CD99: variants seen among roughly 807,000 people sequenced by gnomAD.
CD99 encodes the protein CD99 antigen.
CD99 carries 19 observed loss-of-function variants against 28.4 expected under a neutral mutation model. That is an observed-to-expected ratio of 0.67 (90% CI 0.47 to 0.98). The LOEUF (loss-of-function observed/expected upper bound fraction) is 0.98. Ranked by LOEUF, CD99 falls within the 50% of genes least tolerant of loss-of-function variation. CD99 has a pLI of 0.00. For missense variants in CD99, 283 were observed against 248.8 expected (o/e 1.14, Z -0.92); for synonymous variants, 103 against 92.1 (o/e 1.12, Z -0.67).
intron 5 of CD99, among the ~76,000 whole-genome samples, chrX:2,721,969 T>TA (rs1258959220): frequency 6.6e-6 from 1 of 152,214 alleles, no homozygotes; most frequent in African/African-American, 2.4e-5. Context: ...GGTTGTTAAT[T>TA]TGCTGCAGAT....
Position 2,720,414 on chromosome X carries a change from T to A in CD99, c.252T>A (p.Pro84=). ...TGCCAAATCCAAACCCCAACCACCC[T>A]AGTTCCTCCGGTAAGAGTCTCTGAC... is the stretch of plus-strand genomic sequence containing the variant. ...KPMPNPNPNH[P]SSSGSFSDAD... is the part of the protein sequence containing the mutation. The change falls in exon 5 of 10, where the codon CCT becomes CCA. Residue 84 remains proline (P), a synonymous_variant. Transcript: ENST00000381192. 6.2e-7 allele frequency: 1 copy of A among 1,613,734 alleles called. No homozygotes were observed.
chrX:2,732,442 C>T lies in CD99; in HGVS notation c.476-5758C>T, dbSNP rs778706444. Among the ~76,000 whole-genome samples, 3 of 152,156 alleles carry T rather than the reference C, an allele frequency of 2.0e-5. No homozygotes were observed. In the South Asian group the frequency reaches 6.2e-4, roughly 32 times the overall value. On this transcript the variant is annotated intron_variant, in intron 8 of 9. Coordinates refer to ENST00000381192, the MANE Select transcript of CD99 (RefSeq NM_002414.5). ...GATGGGCGATTGGCTCTCCCTGTCT[C>T]CTTCTTTCTCTTTCTTCTTCTCTGC...
intron 1 of CD99, among the ~76,000 whole-genome samples, chrX:2,694,289 T>A (rs1042017115): frequency 2.6e-5 from 4 of 151,876 alleles, no homozygotes; most frequent in Non-Finnish European, 4.4e-5. Context: ...GTTTTTTTTT[T>A]TTTTTAACTC....
intron 1 of CD99, among the ~76,000 whole-genome samples, chrX:2,710,867 CTT>C (rs541519754): frequency 2.6e-4 from 26 of 99,592 alleles, no homozygotes; most frequent in African/African-American, 7.7e-4. Flanking sequence ...GTAGAGATGA[CTT>C]TTTTTTTTTT....
At chrX:2,704,807 C>G (rs1232335705) in intron 1 of CD99, among the ~76,000 whole-genome samples, 1 of 152,112 alleles carries the variant, frequency 6.6e-6, no homozygotes, top group African/African-American at 2.4e-5. Context: ...TCAACCTCCA[C>G]AAGCGCAGGC....
At chrX:2,716,688 T>G (rs1424462192) in intron 2 of CD99, among the ~76,000 whole-genome samples, 1 of 152,196 alleles carries the variant, frequency 6.6e-6, no homozygotes, top group Non-Finnish European at 1.5e-5. Flanking sequence ...TTATGTCCTG[T>G]GGTGCAGTGC....
intron 8 of CD99, 33 bp from the exon 9 acceptor site, chrX:2,738,167 G>C: frequency 6.2e-7 from 1 of 1,601,614 alleles, no homozygotes; most frequent in Non-Finnish European, 8.6e-7. Context: ...CTGTTGCACT[G>C]AGCCTCTCTG....
chrX:2,741,200 C>A lies in CD99; in HGVS notation c.*396C>A. Reference sequence around the variant, plus strand: ...CTGAAACCCCTGGTAGCCCCGACTTCTTTTTAATTAAAATAAGGTAAGCCC... The same window carrying A: ...CTGAAACCCCTGGTAGCCCCGACTTATTTTTAATTAAAATAAGGTAAGCCC... On this transcript the variant is annotated 3_prime_UTR_variant, in exon 10 of 10. Transcript: ENST00000381192. The A allele has an allele frequency of 4.6e-6, 1 of 218,788 alleles. No individual in the cohort carries two copies. Among genetic ancestry groups the A allele is most frequent in the Non-Finnish European group, 8.9e-6 (1 of 112,258 alleles). 13.6% of individuals were successfully genotyped at this position (218,788 alleles called of 1,614,324 possible). A position where few individuals can be genotyped will look rare whatever the true frequency, so the allele number is the denominator to read the frequency against.
In CD99 at chrX:2,736,033, T is replaced by C. The variant is rs189717843; in HGVS notation, c.476-2167T>C. Among the ~76,000 whole-genome samples, 598 of 151,830 alleles carry C rather than the reference T, an allele frequency of 3.9e-3. 4 individuals carry two copies. Among genetic ancestry groups the C allele is most frequent in the Non-Finnish European group, 5.9e-3 (404 of 67,920 alleles). ...CTGGCTAACATGGTGAAACCCCGTC[T>C]CTACTAAAAATACAAAAAATTAGCT... On this transcript the variant is annotated intron_variant, in intron 8 of 9. Coordinates refer to ENST00000381192, the MANE Select transcript of CD99 (RefSeq NM_002414.5).
intron 5 of CD99, among the ~76,000 whole-genome samples, chrX:2,721,450 C>T (rs944549852): frequency 1.5e-4 from 23 of 152,018 alleles, no homozygotes; most frequent in Non-Finnish European, 2.8e-4. Context: ...CACACAGCAT[C>T]GTGACCAGTT....
rs1424668549 is a variant in CD99 at position 2,691,396 on chromosome X, C to A, written c.36C>A (p.Phe12Leu). 3.2e-6 allele frequency: 5 copies of A among 1,584,124 alleles called. No homozygotes were observed. In the South Asian group the frequency reaches 3.4e-5, roughly 11 times the overall value. ...GGGCTGCGCTGGCGCTGCTGCTCTTCGGCCTGCTGGGTGTTCTGGTCGCCG... is the reference window on the plus strand; with the variant it reads ...GGGCTGCGCTGGCGCTGCTGCTCTTAGGCCTGCTGGGTGTTCTGGTCGCCG... ...ARGAALALLL[F>L]GLLGVLVAAP... Residue 12 changes from phenylalanine to leucine, a missense_variant, in exon 1 of 10, where the codon TTC (phenylalanine) becomes TTA (leucine). Coordinates refer to ENST00000381192, the MANE Select transcript of CD99 (RefSeq NM_002414.5).
At chrX:2,738,038 T>A in intron 8 of CD99, 162 bp from the exon 9 acceptor site, 1 of 754,738 alleles carries the variant, frequency 1.3e-6, no homozygotes, top group East Asian at 2.5e-5. Flanking sequence ...ACATGAGTGT[T>A]AGACTCCATG....
At chrX:2,706,598 A>T (rs1186460702) in intron 1 of CD99, among the ~76,000 whole-genome samples, 3 of 151,984 alleles carry the variant, frequency 2.0e-5, no homozygotes, top group Non-Finnish European at 4.4e-5. Flanking sequence ...GCTGGGGCTG[A>T]GTGAATTGGA....
At chrX:2,695,664 C>A in intron 1 of CD99, among the ~76,000 whole-genome samples, 1 of 148,584 alleles carries the variant, frequency 6.7e-6, no homozygotes, top group Middle Eastern at 3.6e-3. Flanking sequence ...GACAGTGTCT[C>A]ACTGTGTCAC....
intron 1 of CD99, among the ~76,000 whole-genome samples, chrX:2,700,504 CCATCCATCCATTCATCCATG>C (rs1239699985): frequency 6.6e-6 from 1 of 151,694 alleles, no homozygotes; most frequent in Non-Finnish European, 1.5e-5. Context: ...ATTCATTTAC[CCATCCATCCATTCATCCATG>C]CATCCATCCA....
intron 8 of CD99, chrX:2,733,316 T>C (rs368175759): frequency 9.4e-5 from 146 of 1,553,888 alleles, no homozygotes; most frequent in Non-Finnish European, 1.1e-5. Context: ...AGTTTACTTT[T>C]TGTATTATTA....
intron 8 of CD99, 55 bp from the exon 9 acceptor site, chrX:2,738,145 G>T (rs1355265745): frequency 6.7e-7 from 1 of 1,496,478 alleles, no homozygotes; most frequent in Non-Finnish European, 9.3e-7. Context: ...TGTATTTTGA[G>T]GAGTGGGTTA....
rs187818670 is a variant in CD99, at chrX:2,741,136, A to G, written c.*332A>G. On this transcript the variant is annotated 3_prime_UTR_variant, in exon 10 of 10. Transcript: ENST00000381192. ...CCGAGGCACCCCCCCGTCCCCCAGA[A>G]TCTTGGCTGTTTACAAATCACGTGT... The G allele has an allele frequency of 2.7e-3, 993 of 366,418 alleles. 11 individuals carry two copies. Among genetic ancestry groups the G allele is most frequent in the African/African-American group, 0.018 (865 of 48,938 alleles). The allele number at this position is 366,418 out of a possible 1,614,324, so 22.7% of individuals were successfully genotyped here.
At position 2,723,402 on chromosome X, in the gene CD99, C is replaced by T. The variant is rs149086309; in HGVS notation, c.361+38C>T. 1.5e-3 allele frequency: 2,371 copies of T among 1,609,914 alleles called. 4 individuals are homozygous for T. The highest frequency in any genetic ancestry group is 8.1e-3 in the Middle Eastern group (49 of 6,046). ...GGCTTCTGTCTTCTTGTCTCTCCCA[C>T]GTGGTGTTGAGAAGGGGAAGCAGAA... On this transcript the variant is annotated intron_variant, in intron 7 of 9. Transcript: ENST00000381192.
Sources: gnomAD v4.1 joint callset for allele counts (sites outside exome capture counted in the v4.1 genomes callset) on GRCh38, gnomAD v4.1.1 for gene constraint, MANE v1.5 for transcripts, NCBI Gene and HGNC (gene_info 2026-07-23, HGNC 2026-07-21) for gene names.